ST7: variants seen among roughly 807,000 people sequenced by gnomAD.
ST7 encodes suppressor of tumorigenicity 7 protein.
ST7 carries 28 observed loss-of-function variants against 78.7 expected under a neutral mutation model. That is an observed-to-expected ratio of 0.36 (90% CI 0.26 to 0.49). ST7 has a LOEUF of 0.49. ST7 is among the 20% of genes least tolerant of loss of function. ST7 has a pLI of 0.99. For synonymous variants in ST7, 247 were observed against 249.6 expected (o/e 0.99, Z 0.10); for missense variants, 418 against 696.0 (o/e 0.60, Z 4.49).
rs747889590 is a variant in ST7 at position 117,229,872 on chromosome 7, T to C, written c.*15T>C. 11 of 1,605,846 alleles carry C rather than the reference T, an allele frequency of 6.8e-6. No homozygotes were observed. Among genetic ancestry groups the C allele is most frequent in the Admixed American group, 6.7e-5 (4 of 60,008 alleles). ...CACGGATCTGAGAGAAGCCCTGTCC[T>C]CCACTCACCTCACCCGCCGCTGCCA... On this transcript the variant is annotated 3_prime_UTR_variant, in exon 16 of 16. Coordinates refer to ENST00000323984, the MANE Select transcript of ST7 (RefSeq NM_001369598.1).
chr7:117,132,248 C>T (rs1461229337), intron 6 of ST7, among the ~76,000 whole-genome samples: 1 of 151,702 alleles, frequency 6.6e-6, no homozygotes, highest in African/African-American at 2.4e-5. Context: ...CAATTCTTTA[C>T]ATATCTAAAA....
chr7:117,102,638 G>A (rs1801649092), intron 2 of ST7, among the ~76,000 whole-genome samples: 1 of 152,102 alleles, frequency 6.6e-6, no homozygotes, highest in Non-Finnish European at 1.5e-5. Context: ...TTAGAGCTAT[G>A]TAAGAAACTA....
chr7:117,170,128 G>A (rs577755348), intron 9 of ST7, among the ~76,000 whole-genome samples: 1 of 152,160 alleles, frequency 6.6e-6, no homozygotes, highest in Admixed American at 6.5e-5. Context: ...CATCCAAATT[G>A]CTGTTGGCAA....
rs762909068 is a variant in ST7, at chr7:117,190,847, G to T, written c.1165G>T (p.Ala389Ser). The T allele has an allele frequency of 3.3e-5, 53 of 1,613,844 alleles. No individual in the cohort carries two copies. Among genetic ancestry groups the T allele is most frequent in the Non-Finnish European group, 4.2e-5 (49 of 1,179,964 alleles). The change falls in exon 12 of 16, where the codon GCT becomes TCT. Residue 389 changes from alanine (A) to serine (S), a missense_variant. This residue lies in a region of ST7 where 288 missense variants were observed against 537.1 expected (regional missense o/e 0.54). Transcript: ENST00000323984. The surrounding 1 kb of genome is among the most constrained non-coding windows in gnomAD (Gnocchi z 5.2). ...TCTGCTTTTCAGATTCTCTCCTGAG[G>T]CTGCATCTCGGCGGGGGCTGAGCAC... Reference protein sequence around the residue: ...RAVSDKFSPEAASRRGLSTAE... With the variant: ...RAVSDKFSPESASRRGLSTAE...
At chr7:117,160,550 C>G (rs546172115) in intron 9 of ST7, among the ~76,000 whole-genome samples, 1 of 152,136 alleles carries the variant, frequency 6.6e-6, no homozygotes, top group South Asian at 2.1e-4. Flanking sequence ...TCATCTCTCT[C>G]TCTCTGTCTC....
chr7:116,968,201 CT>C (rs1024000896), intron 1 of ST7, among the ~76,000 whole-genome samples: 1 of 151,758 alleles, frequency 6.6e-6, no homozygotes, highest in African/African-American at 2.4e-5. Flanking sequence ...CTAATATTCA[CT>C]TTTTTTGTTT....
At chr7:117,215,557 GGT>G (rs1792625895) in intron 13 of ST7, among the ~76,000 whole-genome samples, 1 of 152,118 alleles carries the variant, frequency 6.6e-6, no homozygotes, top group East Asian at 1.9e-4. Flanking sequence ...TGAGGCCTGT[GGT>G]ATTCTCATTT....
chr7:117,165,025 A>G (rs958575159), intron 9 of ST7, among the ~76,000 whole-genome samples: 1 of 152,064 alleles, frequency 6.6e-6, no homozygotes, highest in Non-Finnish European at 1.5e-5. Flanking sequence ...TGAGAGGAAA[A>G]GGTATTCCAG....
At chr7:117,130,262 G>A (rs915446890) in intron 4 of ST7, among the ~76,000 whole-genome samples, 1 of 151,726 alleles carries the variant, frequency 6.6e-6, no homozygotes, top group Non-Finnish European at 1.5e-5. Flanking sequence ...CATTAGCAAG[G>A]GCTAGTAAAT....
At chr7:116,976,311 T>G (rs1037406251) in intron 1 of ST7, among the ~76,000 whole-genome samples, 1 of 152,092 alleles carries the variant, frequency 6.6e-6, no homozygotes, top group Non-Finnish European at 1.5e-5. Context: ...GACCCCAAGT[T>G]CAAAACTCAG....
At chr7:117,013,789 C>A (rs181424114) in intron 1 of ST7, among the ~76,000 whole-genome samples, 1 of 152,204 alleles carries the variant, frequency 6.6e-6, no homozygotes, top group African/African-American at 2.4e-5. Flanking sequence ...GGCGAGATCA[C>A]GCCACTGCAC....
At chr7:116,988,351 A>T (rs1794274248) in intron 1 of ST7, among the ~76,000 whole-genome samples, 1 of 152,210 alleles carries the variant, frequency 6.6e-6, no homozygotes, top group South Asian at 2.1e-4. Context: ...TGATATTTTT[A>T]AAATGACACT....
rs759818401 is a variant in ST7, at chr7:117,046,326, A to G, written c.152-53436A>G. On this transcript the variant is annotated intron_variant, in intron 1 of 15. Coordinates refer to ENST00000323984, the MANE Select transcript of ST7 (RefSeq NM_001369598.1). ...CTCCTCTGGGACACTGCCAACTCCAACTTCTCTATGAAGTCTTGCTTTTCA... is the reference window on the plus strand; with the variant it reads ...CTCCTCTGGGACACTGCCAACTCCAGCTTCTCTATGAAGTCTTGCTTTTCA... 5.9e-5 allele frequency among the ~76,000 whole-genome samples: 9 copies of G among 152,050 alleles called. No individual in the cohort carries two copies. The South Asian group carries it at 6.2e-4, about 11-fold the overall frequency.
intron 4 of ST7, 44 bp from the exon 5 acceptor site, chr7:117,130,447 T>C: frequency 6.9e-7 from 1 of 1,442,542 alleles, no homozygotes; most frequent in Non-Finnish European, 9.7e-7. Flanking sequence ...AGGTCTTGCT[T>C]TTCTCTCTCA....
chr7:117,009,248 T>C (rs1209889912), intron 1 of ST7, among the ~76,000 whole-genome samples: 1 of 21,382 alleles, frequency 4.7e-5, no homozygotes, highest in African/African-American at 1.7e-4. Flanking sequence ...ACTTCTCCAC[T>C]TTTTTTTTGT....
chr7:117,015,818 A>G (rs1795585900), intron 1 of ST7, among the ~76,000 whole-genome samples: 1 of 152,178 alleles, frequency 6.6e-6, no homozygotes, highest in South Asian at 2.1e-4. Flanking sequence ...TTGTTTGCTG[A>G]CAGATTGCTT....
intron 1 of ST7, among the ~76,000 whole-genome samples, chr7:116,970,154 T>C (rs1793344117): frequency 6.6e-6 from 1 of 152,072 alleles, no homozygotes; most frequent in African/African-American, 2.4e-5. Context: ...AAGGGAAAGC[T>C]CCAGGTAGGC....
intron 15 of ST7, chr7:117,223,064 C>G (rs760773664): frequency 1.1e-6 from 1 of 945,018 alleles, no homozygotes; most frequent in Non-Finnish European, 1.7e-6. Flanking sequence ...TTGCTCAAGC[C>G]GGAAACTCGG....
intron 1 of ST7, among the ~76,000 whole-genome samples, chr7:117,067,952 AT>A (rs746922984): frequency 5.9e-5 from 9 of 152,190 alleles, no homozygotes; most frequent in Non-Finnish European, 1.2e-4. Flanking sequence ...GAGAAATTTC[AT>A]GAAGCTGGCA....
Sources: allele counts gnomAD v4.1 joint callset (sites outside exome capture counted in the v4.1 genomes callset), GRCh38; gene constraint gnomAD v4.1.1; regional missense constraint gnomAD v4.1.1; non-coding constraint Gnocchi (gnomAD v3.1); transcripts MANE v1.5; gene names NCBI Gene and HGNC (gene_info 2026-07-23, HGNC 2026-07-21).